The following STK32A variants were observed in gnomAD, a reference collection of about 807,000 sequenced individuals.
STK32A encodes serine/threonine-protein kinase 32A.
In STK32A, 41 loss-of-function variants were observed where a neutral mutation model predicts 53.2. The ratio of observed to expected loss-of-function variants is 0.77; its 90% confidence interval spans 0.60 to 1.00. STK32A has a LOEUF of 1.00. STK32A is among the 50% of genes least tolerant of loss of function. STK32A has a pLI of 0.00. For synonymous variants in STK32A, 166 were observed against 162.8 expected, an observed-to-expected ratio of 1.02 and a Z score of -0.15; for missense variants, 458 against 485.8, an observed-to-expected ratio of 0.94 and a Z score of 0.54.
chr5:147,280,293 C>T (rs557445002), intron 4 of STK32A, among the ~76,000 whole-genome samples: 13 of 151,812 alleles, frequency 8.6e-5, no homozygotes, highest in Admixed American at 2.0e-4. Context: ...GTGCAGACTC[C>T]GGGGGCAGGG....
intron 2 of STK32A, among the ~76,000 whole-genome samples, chr5:147,250,672 T>A (rs1316624982): frequency 2.0e-5 from 3 of 152,060 alleles, no homozygotes; most frequent in Non-Finnish European, 4.4e-5. Context: ...CCCAGTGCGG[T>A]GGCTCACGCC....
chr5:147,317,321 T>G (rs1215046153), intron 4 of STK32A, among the ~76,000 whole-genome samples: 1 of 105,550 alleles, frequency 9.5e-6, no homozygotes, highest in African/African-American at 3.7e-5. Context: ...TTCTTTTTCT[T>G]TCTTTTTTTT....
intron 2 of STK32A, among the ~76,000 whole-genome samples, chr5:147,241,817 G>T (rs1753594824): frequency 6.6e-6 from 1 of 152,150 alleles, no homozygotes; most frequent in Admixed American, 6.5e-5. Context: ...CAGAGCTAAT[G>T]TTGTACATGA....
chr5:147,376,830 TG>T (rs1219280346), intron 11 of STK32A, among the ~76,000 whole-genome samples: 2 of 152,196 alleles, frequency 1.3e-5, no homozygotes, highest in East Asian at 1.9e-4. Context: ...AATTATAGGA[TG>T]TTTTTTACAT....
chr5:147,341,008 CAAT>C (rs1400348542), intron 5 of STK32A, among the ~76,000 whole-genome samples: 1 of 152,156 alleles, frequency 6.6e-6, no homozygotes, highest in Non-Finnish European at 1.5e-5. Context: ...GTAGTTAACA[CAAT>C]GATGTATGGA....
At chr5:147,376,074 C>T (rs1422649773) in intron 11 of STK32A, among the ~76,000 whole-genome samples, 2 of 152,126 alleles carry the variant, frequency 1.3e-5, no homozygotes, top group African/African-American at 4.8e-5. Flanking sequence ...AATTTCTATA[C>T]TCAGTGCTGT....
chr5:147,256,531 G>C (rs1304430476), intron 2 of STK32A, among the ~76,000 whole-genome samples: 1 of 152,096 alleles, frequency 6.6e-6, no homozygotes, highest in East Asian at 1.9e-4. Flanking sequence ...TGTTTTTTGA[G>C]ACGGAGTTTC....
chr5:147,331,971 T>A (rs1754893638), intron 5 of STK32A, among the ~76,000 whole-genome samples: 1 of 152,222 alleles, frequency 6.6e-6, no homozygotes, highest in Non-Finnish European at 1.5e-5. Context: ...TTCAGAACTG[T>A]GAGAAAATTA....
Position 147,323,982 on chromosome 5 carries a change from C to G in STK32A, c.345C>G (p.Asn115Lys), listed in dbSNP as rs770041479. ...GGDLRYHLQQNVHFKEETVKL... is the reference protein window; with the variant it reads ...GGDLRYHLQQKVHFKEETVKL... ...ACCTGCGTTATCACCTGCAACAGAA[C>G]GTCCACTTCAAGGAAGAAACAGTGA... Residue 115 changes from asparagine (N) to lysine (K), a missense_variant, in exon 5 of 13, where the codon AAC becomes AAG. By Grantham distance (94) the Asn-to-Lys change is moderately conservative. Transcript: ENST00000397936. 6.2e-7 allele frequency: 1 copy of G among 1,612,878 alleles called. No homozygotes were observed. The highest frequency in any genetic ancestry group is 1.7e-5 in the Admixed American group (1 of 59,882).
At chr5:147,379,274 T>C (rs1296217359) in intron 11 of STK32A, among the ~76,000 whole-genome samples, 2 of 152,014 alleles carry the variant, frequency 1.3e-5, no homozygotes, top group African/African-American at 2.4e-5. Flanking sequence ...ATTCATTTTA[T>C]ATCCTGGGTT....
rs373092995 is a variant in STK32A, at chr5:147,309,246, G to A, written c.261-14652G>A. 2.6e-5 allele frequency among the ~76,000 whole-genome samples: 4 copies of A among 152,226 alleles called. No homozygotes were observed. In the East Asian group the frequency reaches 5.8e-4, roughly 22 times the overall value. ...TTTGAAGTCTGTATGTGTGTGAGCT[G>A]CTGGGCTTCTCAGAGGGCAGATGAA... is the stretch of plus-strand genomic sequence containing the variant. On this transcript the variant is annotated intron_variant, in intron 4 of 12. Transcript: ENST00000397936.
Position 147,314,201 on chromosome 5 carries a change from T to G in STK32A, c.261-9697T>G, listed in dbSNP as rs7714906. 3.8e-3 allele frequency among the ~76,000 whole-genome samples: 579 copies of G among 152,202 alleles called. 6 individuals are homozygous for G. The highest frequency in any genetic ancestry group is 0.014 in the Middle Eastern group (4 of 294). ...ATATATCTACTAAAGGATGTGCATT[T>G]ACAATATACAAAGGGGCCAGGCGCT... On this transcript the variant is annotated intron_variant, in intron 4 of 12. Coordinates refer to ENST00000397936, the MANE Select transcript of STK32A (RefSeq NM_001112724.2).
rs952595640 is a variant in STK32A at position 147,387,694 on chromosome 5, T to G, written c.*3711T>G. 2 of 152,266 alleles carry G rather than the reference T, an allele frequency of 1.3e-5. No individual in the cohort carries two copies. Among genetic ancestry groups the G allele is most frequent in the Non-Finnish European group, 1.5e-5 (1 of 68,046 alleles). The allele number at this position is 152,266 out of a possible 1,614,324, so 9.4% of individuals were successfully genotyped here. On this transcript the variant is annotated 3_prime_UTR_variant, in exon 13 of 13. Transcript: ENST00000397936. ...ACAAATTCAGTGTGTCTGACTGATATTAAACACTGATATTAAAATTTCAAA... is the reference window on the plus strand; with the variant it reads ...ACAAATTCAGTGTGTCTGACTGATAGTAAACACTGATATTAAAATTTCAAA...
At chr5:147,323,012 C>G (rs1051311162) in intron 4 of STK32A, among the ~76,000 whole-genome samples, 5 of 152,224 alleles carry the variant, frequency 3.3e-5, no homozygotes, top group African/African-American at 1.2e-4. Context: ...TCCCCACTTG[C>G]ACTAGGTTCT....
At chr5:147,244,814 T>C (rs1410294328) in intron 2 of STK32A, among the ~76,000 whole-genome samples, 2 of 152,216 alleles carry the variant, frequency 1.3e-5, no homozygotes, top group Admixed American at 1.3e-4. Context: ...ATTAGGTCTT[T>C]GTGAGGATTG....
chr5:147,373,199 T>C lies in STK32A; in HGVS notation c.808T>C (p.Ser270Pro). 6.2e-7 allele frequency: 1 copy of C among 1,613,478 alleles called. No homozygotes were observed. Among genetic ancestry groups the C allele is most frequent in the Non-Finnish European group, 8.5e-7 (1 of 1,179,568 alleles). Residue 270 changes from serine (S) to proline (P), a missense_variant, in exon 10 of 13, where the codon TCT becomes CCT. Ser to Pro is a moderately conservative substitution (Grantham distance 74). Coordinates refer to ENST00000397936, the MANE Select transcript of STK32A (RefSeq NM_001112724.2). ...LLEPNPDQRF[S>P]QLSDVQNFPY... is the part of the protein sequence containing the mutation. Reference sequence around the variant, plus strand: ...CGAACCTAATCCAGACCAACGATTTTCTCAGTTATCTGATGTCCAGAACTT... The same window carrying C: ...CGAACCTAATCCAGACCAACGATTTCCTCAGTTATCTGATGTCCAGAACTT...
In STK32A at chr5:147,314,498, C is replaced by CAAAAAA. The variant is rs1171767950; in HGVS notation, c.261-9397_261-9392dup. Among the ~76,000 whole-genome samples the CAAAAAA allele has an allele frequency of 5.6e-4, 6 of 10,626 alleles. 1 individual carries two copies. The highest frequency in any genetic ancestry group is 4.0e-3 in the African/African-American group (6 of 1,500). The allele number at this position is 10,626 out of a possible 152,430, so 7.0% of individuals were successfully genotyped here. A position where few individuals can be genotyped will look rare whatever the true frequency, so the allele number is the denominator to read the frequency against. ...GGGCAACAAGAGCGAAACTCCATAT[C>CAAAAAA]AAAAAAAACAAAAAAAAACAAAAAA... On this transcript the variant is annotated intron_variant, in intron 4 of 12. Coordinates refer to ENST00000397936, the MANE Select transcript of STK32A (RefSeq NM_001112724.2).
intron 7 of STK32A, among the ~76,000 whole-genome samples, chr5:147,352,325 C>T (rs1756021599): frequency 6.6e-6 from 1 of 152,070 alleles, no homozygotes; most frequent in Non-Finnish European, 1.5e-5. Context: ...CTGGTTTTTG[C>T]CTTGACAATT....
chr5:147,254,880 C>T (rs915819071), intron 2 of STK32A, among the ~76,000 whole-genome samples: 1 of 152,112 alleles, frequency 6.6e-6, no homozygotes, highest in Non-Finnish European at 1.5e-5. Flanking sequence ...TGGCTCACGC[C>T]TGTAATCCCA....
Sources: allele counts gnomAD v4.1 joint callset (sites outside exome capture counted in the v4.1 genomes callset), GRCh38; gene constraint gnomAD v4.1.1; transcripts MANE v1.5; gene names NCBI Gene and HGNC (gene_info 2026-07-23, HGNC 2026-07-21).